SLCO1B1: variants seen among roughly 807,000 people sequenced by gnomAD.
The protein encoded by SLCO1B1 is OATP-2.
A neutral mutation model predicts 70.1 loss-of-function variants in SLCO1B1; 81 were observed. That is an observed-to-expected ratio of 1.16 (90% CI 0.97 to 1.39). The LOEUF is 1.39. SLCO1B1 is among the 40% of genes most tolerant of loss of function. The probability of loss-of-function intolerance (pLI) is 0.00; values close to 1 mark genes in which losing one functional copy is unlikely to be tolerated. For missense variants in SLCO1B1, 895 were observed against 799.6 expected, an observed-to-expected ratio of 1.12 and a Z score of -1.44; for synonymous variants, 283 against 271.5, an observed-to-expected ratio of 1.04 and a Z score of -0.42.
chr12:21,217,897 CT>C (rs1941379041), intron 12 of SLCO1B1, among the ~76,000 whole-genome samples: 1 of 152,060 alleles, frequency 6.6e-6, no homozygotes, highest in Non-Finnish European at 1.5e-5. Context: ...TGTCATACAG[CT>C]TTCAAAATTA....
chr12:21,230,451 C>T (rs560790483), intron 14 of SLCO1B1, among the ~76,000 whole-genome samples: 1 of 151,682 alleles, frequency 6.6e-6, no homozygotes, highest in East Asian at 1.9e-4. Context: ...CTGCCTCAGC[C>T]TCCCGAGTAG....
chr12:21,148,697 T>C (rs985798105), intron 2 of SLCO1B1, among the ~76,000 whole-genome samples: 4 of 20,276 alleles, frequency 2.0e-4, no homozygotes, highest in Non-Finnish European at 1.5e-3. Flanking sequence ...TATATGGGCT[T>C]TTTTTTTTTT....
intron 12 of SLCO1B1, among the ~76,000 whole-genome samples, chr12:21,218,909 G>A (rs1941391541): frequency 6.6e-6 from 1 of 152,152 alleles, no homozygotes; most frequent in Non-Finnish European, 1.5e-5. Context: ...ATAAATTTCA[G>A]TTTGTTAATA....
intron 14 of SLCO1B1, among the ~76,000 whole-genome samples, chr12:21,229,108 A>T (rs1941507922): frequency 6.6e-6 from 1 of 152,192 alleles, no homozygotes; most frequent in Admixed American, 6.5e-5. Flanking sequence ...TTAGGATCAC[A>T]GTAAAATTGA....
At position 21,133,119 on chromosome 12, in the gene SLCO1B1, G is replaced by T. The variant is rs545213651; in HGVS notation, c.-62+1883G>T. ...TTTCCCCATTGCTTGTTTTTCTCAG[G>T]TTTGTCAAAGATCAGATAGTTGTAG... is the stretch of plus-strand genomic sequence containing the variant. On this transcript the variant is annotated intron_variant, in intron 1 of 14. Transcript: ENST00000256958. Among the ~76,000 whole-genome samples the T allele has an allele frequency of 7.9e-5, 12 of 152,148 alleles. No individual in the cohort carries two copies. The South Asian group carries it at 2.3e-3, about 29-fold the overall frequency.
intron 11 of SLCO1B1, among the ~76,000 whole-genome samples, chr12:21,208,636 A>G (rs1458800689): frequency 2.0e-5 from 3 of 152,010 alleles, no homozygotes; most frequent in Non-Finnish European, 4.4e-5. Context: ...GGAATTTTAC[A>G]ATAGTTTTAT....
intron 2 of SLCO1B1, among the ~76,000 whole-genome samples, chr12:21,162,312 CAT>C (rs1481099366): frequency 6.6e-6 from 1 of 151,930 alleles, no homozygotes; most frequent in Non-Finnish European, 1.5e-5. Flanking sequence ...AATTTTAACA[CAT>C]ATTTTAAATA....
At chr12:21,196,238 G>A (rs1941090227) in intron 7 of SLCO1B1, among the ~76,000 whole-genome samples, 1 of 152,010 alleles carries the variant, frequency 6.6e-6, no homozygotes, top group Non-Finnish European at 1.5e-5. Context: ...CTATCTTGCT[G>A]ATAACTCATA....
chr12:21,229,301 G>A (rs913966869), intron 14 of SLCO1B1, among the ~76,000 whole-genome samples: 2 of 151,880 alleles, frequency 1.3e-5, no homozygotes, highest in African/African-American at 4.8e-5. Flanking sequence ...GTACTTTTAT[G>A]GGTTTGGACA....
intron 1 of SLCO1B1, among the ~76,000 whole-genome samples, chr12:21,140,280 A>G (rs1016470423): frequency 3.9e-5 from 6 of 152,106 alleles, no homozygotes; most frequent in African/African-American, 7.2e-5. Flanking sequence ...AAAATCATGT[A>G]TCTATGCTGT....
intron 14 of SLCO1B1, among the ~76,000 whole-genome samples, chr12:21,228,803 A>T (rs1386010277): frequency 6.6e-6 from 1 of 152,086 alleles, no homozygotes; most frequent in Non-Finnish European, 1.5e-5. Flanking sequence ...CAACTAAGAC[A>T]AGTATTAGGC....
intron 12 of SLCO1B1, 124 bp from the exon 13 acceptor site, chr12:21,222,176 T>G: frequency 3.1e-6 from 1 of 326,946 alleles, no homozygotes; most frequent in Non-Finnish European, 5.9e-6. Context: ...TTTTATATAA[T>G]GGGGCCATTC....
intron 11 of SLCO1B1, among the ~76,000 whole-genome samples, chr12:21,215,942 T>C (rs1260545704): frequency 6.6e-6 from 1 of 152,092 alleles, no homozygotes; most frequent in Non-Finnish European, 1.5e-5. Context: ...TGGATGGTTG[T>C]TGGATGGTTC....
chr12:21,197,316 T>G (rs1941105799), intron 8 of SLCO1B1, 128 bp downstream of exon 8: 1 of 931,212 alleles, frequency 1.1e-6, no homozygotes, highest in Non-Finnish European at 1.6e-6. Context: ...TAAATTTAGA[T>G]AAATTATTTT....
intron 14 of SLCO1B1, 36 bp downstream of exon 14, chr12:21,224,875 T>C: frequency 9.1e-7 from 1 of 1,093,580 alleles, no homozygotes. Context: ...TATTTTTTCT[T>C]TGACTATATT....
In SLCO1B1 at chr12:21,132,285, G is replaced by A. The variant is rs528397615; in HGVS notation, c.-62+1049G>A. On this transcript the variant is annotated intron_variant, in intron 1 of 14. Transcript: ENST00000256958. ...AGTCTTTGCTACTGTGAATAGTGCC[G>A]CTATAAACATACGTGTGCATGTGTC... 3.9e-5 allele frequency among the ~76,000 whole-genome samples: 6 copies of A among 152,170 alleles called. No individual in the cohort carries two copies. In the South Asian group the frequency reaches 8.3e-4, roughly 21 times the overall value.
At chr12:21,196,839 G>A (rs1941097646) in intron 7 of SLCO1B1, 107 bp from the exon 8 acceptor site, 1 of 1,163,546 alleles carries the variant, frequency 8.6e-7, no homozygotes. Flanking sequence ...AAAAAATCGT[G>A]TCTTGGAATT....
chr12:21,169,548 C>T (rs1375643404), intron 2 of SLCO1B1, among the ~76,000 whole-genome samples: 1 of 152,092 alleles, frequency 6.6e-6, no homozygotes, highest in African/African-American at 2.4e-5. Context: ...TATAATTCAA[C>T]TCCAGAATTT....
rs769928726 is a variant in SLCO1B1, at chr12:21,200,583, T to C, written c.1046T>C (p.Val349Ala). The C allele has an allele frequency of 1.9e-6, 3 of 1,610,864 alleles. No individual in the cohort carries two copies. In the African/African-American group the frequency reaches 4.0e-5, roughly 22 times the overall value. ...TTTGTGCTTTTGACGTTGTTACAAG[T>C]AAGCAGCTATATTGGTGCTTTTACT... ...VMFVLLTLLQ[V>A]SSYIGAFTYV... The change falls in exon 9 of 15, where the codon GTA becomes GCA. Residue 349 changes from valine (V) to alanine (A), a missense_variant. Coordinates refer to ENST00000256958, the MANE Select transcript of SLCO1B1 (RefSeq NM_006446.5).
Sources: gnomAD v4.1 joint callset for allele counts (sites outside exome capture counted in the v4.1 genomes callset) on GRCh38, gnomAD v4.1.1 for gene constraint, MANE v1.5 for transcripts, NCBI Gene and HGNC (gene_info 2026-07-23, HGNC 2026-07-21) for gene names.